The following FUT9 variants were observed in gnomAD, a reference collection of about 807,000 sequenced individuals.
The protein encoded by FUT9 is 4-galactosyl-N-acetylglucosaminide 3-alpha-L-fucosyltransferase 9.
In FUT9, 15 loss-of-function variants were observed where a neutral mutation model predicts 29.7. The ratio of observed to expected loss-of-function variants is 0.51; its 90% CI spans 0.34 to 0.78. FUT9 has a LOEUF of 0.78. Among genes scored for constraint, FUT9 ranks in the 30% least tolerant of loss-of-function variants. The pLI, the probability that FUT9 is intolerant of heterozygous loss-of-function variation, is 0.01. For missense variants in FUT9, 319 were observed against 425.4 expected, an observed-to-expected ratio of 0.75 and a Z score of 2.20; for synonymous variants, 169 against 153.7, an observed-to-expected ratio of 1.10 and a Z score of -0.74.
intron 2 of FUT9, 66 bp from the exon 3 acceptor site, chr6:96,203,082 A>G (rs1773757087): frequency 8.7e-7 from 1 of 1,149,330 alleles, no homozygotes; most frequent in African/African-American, 1.5e-5. Flanking sequence ...ATATATCTCC[A>G]ATATATTTAT....
chr6:96,156,403 C>G (rs1332618051), intron 2 of FUT9, among the ~76,000 whole-genome samples: 2 of 152,050 alleles, frequency 1.3e-5, no homozygotes, highest in Non-Finnish European at 2.9e-5. Flanking sequence ...CGTGGACACT[C>G]GAAGAGTGAG....
intron 1 of FUT9, among the ~76,000 whole-genome samples, chr6:96,019,490 A>T (rs1005649106): frequency 1.3e-5 from 2 of 152,064 alleles, no homozygotes; most frequent in East Asian, 3.9e-4. Flanking sequence ...AATTATTACA[A>T]AAATGTTCAT....
At chr6:96,099,775 C>G (rs1415510404) in intron 1 of FUT9, among the ~76,000 whole-genome samples, 3 of 152,052 alleles carry the variant, frequency 2.0e-5, no homozygotes, top group African/African-American at 7.2e-5. Flanking sequence ...AGGAGACACT[C>G]ATCGATAAAA....
chr6:96,027,542 G>C (rs1262829552), intron 1 of FUT9, among the ~76,000 whole-genome samples: 1 of 151,402 alleles, frequency 6.6e-6, no homozygotes, highest in African/African-American at 2.4e-5. Context: ...TATCGCCAGT[G>C]CTGCCAACCC....
chr6:96,183,684 G>T (rs558035819), intron 2 of FUT9, among the ~76,000 whole-genome samples: 97 of 152,100 alleles, frequency 6.4e-4, no homozygotes, highest in African/African-American at 2.2e-3. Flanking sequence ...TGCTTTTTCT[G>T]TGTCTATTGA....
At chr6:96,164,613 T>C (rs1273733564) in intron 2 of FUT9, among the ~76,000 whole-genome samples, 2 of 152,172 alleles carry the variant, frequency 1.3e-5, no homozygotes, top group Non-Finnish European at 2.9e-5. Context: ...CTGAAGAGTC[T>C]GCTCTGTCAG....
chr6:96,057,826 C>T (rs1024029436), intron 1 of FUT9, among the ~76,000 whole-genome samples: 2 of 152,174 alleles, frequency 1.3e-5, no homozygotes, highest in African/African-American at 4.8e-5. Context: ...TAACATAAGA[C>T]TAACTTTTGA....
At chr6:96,189,114 A>T (rs1773458848) in intron 2 of FUT9, among the ~76,000 whole-genome samples, 1 of 152,036 alleles carries the variant, frequency 6.6e-6, no homozygotes, top group African/African-American at 2.4e-5. Context: ...TGTTCGGGGA[A>T]GGTTGGGAGA....
intron 2 of FUT9, among the ~76,000 whole-genome samples, chr6:96,138,186 A>G (rs1242661538): frequency 3.9e-5 from 6 of 152,200 alleles, no homozygotes; most frequent in Non-Finnish European, 7.4e-5. Context: ...TAGGGCAGCA[A>G]TGGTTTTCCA....
intron 2 of FUT9, among the ~76,000 whole-genome samples, chr6:96,147,105 C>T (rs1055238206): frequency 3.9e-5 from 6 of 151,966 alleles, no homozygotes; most frequent in Non-Finnish European, 1.5e-5. Flanking sequence ...TTTTTGTCAT[C>T]CAATATCATA....
chr6:96,169,530 T>C (rs1773073909), intron 2 of FUT9, among the ~76,000 whole-genome samples: 1 of 152,152 alleles, frequency 6.6e-6, no homozygotes, highest in Non-Finnish European at 1.5e-5. Context: ...AGTGTTTTGT[T>C]TTTATATTGG....
chr6:96,028,411 A>G (rs1770204190), intron 1 of FUT9, among the ~76,000 whole-genome samples: 1 of 151,760 alleles, frequency 6.6e-6, no homozygotes, highest in Admixed American at 6.6e-5. Context: ...GTAATGTTTA[A>G]TGTTTTTAAT....
intron 2 of FUT9, among the ~76,000 whole-genome samples, chr6:96,183,697 TG>T: frequency 6.6e-6 from 1 of 152,106 alleles, no homozygotes; most frequent in East Asian, 1.9e-4. Flanking sequence ...TCTATTGAGA[TG>T]ATCATGTGAC....
At chr6:96,181,179 T>A (rs1049519386) in intron 2 of FUT9, among the ~76,000 whole-genome samples, 1 of 152,060 alleles carries the variant, frequency 6.6e-6, no homozygotes, top group African/African-American at 2.4e-5. Context: ...TAAGTTAATA[T>A]AAAAATCACA....
chr6:96,103,819 C>A (rs4409188), intron 1 of FUT9, among the ~76,000 whole-genome samples: 19,857 of 152,126 alleles, frequency 0.13, 1,507 homozygotes, highest in Non-Finnish European at 0.16. Flanking sequence ...AGATATACAG[C>A]ATGCTTTTGA....
chr6:96,132,477 T>C (rs1306342963), intron 2 of FUT9, among the ~76,000 whole-genome samples: 2 of 152,040 alleles, frequency 1.3e-5, no homozygotes, highest in East Asian at 3.9e-4. Context: ...GTTTGGATAA[T>C]AGAGGAAGGT....
At chr6:96,137,600 T>C (rs1772381670) in intron 2 of FUT9, among the ~76,000 whole-genome samples, 1 of 152,096 alleles carries the variant, frequency 6.6e-6, no homozygotes, top group Non-Finnish European at 1.5e-5. Flanking sequence ...TCAAGAGTGG[T>C]AAGTTGTATT....
At chr6:96,128,574 T>TA (rs1014587927) in intron 2 of FUT9, among the ~76,000 whole-genome samples, 7 of 152,140 alleles carry the variant, frequency 4.6e-5, no homozygotes, top group African/African-American at 1.7e-4. Context: ...TGGTAATACT[T>TA]ACAAAAATTT....
intron 2 of FUT9, among the ~76,000 whole-genome samples, chr6:96,171,362 CAG>C (rs1773109338): frequency 3.9e-5 from 6 of 152,160 alleles, no homozygotes; most frequent in Admixed American, 2.0e-4. Flanking sequence ...AGGCAGTAAG[CAG>C]TTGGCTTGTA....
Sources: allele counts gnomAD v4.1 joint callset (sites outside exome capture counted in the v4.1 genomes callset), GRCh38; gene constraint gnomAD v4.1.1; transcripts MANE v1.5; gene names NCBI Gene and HGNC (gene_info 2026-07-23, HGNC 2026-07-21).